The following UNC79 variants were observed in gnomAD, a reference collection of about 807,000 sequenced individuals.
UNC79 encodes unc-79 subunit of NALCN channel complex, also known as protein unc-79 homolog.
In UNC79, 37 loss-of-function variants were observed where a neutral mutation model predicts 283.1. That is an observed-to-expected ratio of 0.13 (90% CI 0.10 to 0.17). The LOEUF is 0.17. Among genes scored for constraint, UNC79 ranks in the 10% least tolerant of loss-of-function variants. The probability of loss-of-function intolerance (pLI) is 1.00; values close to 1 mark genes in which losing one functional copy is unlikely to be tolerated. For missense variants in UNC79, 2,272 were observed against 3,211.1 expected (o/e 0.71, Z 7.07); for synonymous variants, 1,107 against 1,200.2 (o/e 0.92, Z 1.61).
At chr14:93,545,463 C>T (rs2061551734) in intron 14 of UNC79, among the ~76,000 whole-genome samples, 2 of 152,212 alleles carry the variant, frequency 1.3e-5, no homozygotes, top group African/African-American at 4.8e-5. Context: ...CAGATTTCAT[C>T]TGTAATACTT....
Position 93,540,941 on chromosome 14 carries a change from C to A in UNC79, c.1524+110C>A, listed in dbSNP as rs78068033. On this transcript the variant is annotated intron_variant, in intron 13 of 48. Transcript: ENST00000555664. ...AAAGGAGTAAATAGTGAAAAATTAA[C>A]CTTAGCAATGGGGCTGAAGCTATGG... 6.3e-4 allele frequency: 877 copies of A among 1,395,424 alleles called. 17 individuals are homozygous for A. In the East Asian group the frequency reaches 0.018, roughly 29 times the overall value. The allele number at this position is 1,395,424 out of a possible 1,614,324, so 86.4% of individuals were successfully genotyped here.
chr14:93,637,444 G>C lies in UNC79; in HGVS notation c.5800+145G>C. 3.2e-5 allele frequency: 44 copies of C among 1,389,156 alleles called. 1 individual carries two copies. The South Asian group carries it at 6.3e-4, about 20-fold the overall frequency. 86.1% of individuals were successfully genotyped at this position (1,389,156 alleles called of 1,614,324 possible). The stretch of plus-strand genomic sequence containing the variant: ...TTGCCCAAACACCCCCAGTGGCTGA[G>C]AGTGCGTGACATCTCATCTTTGAAC... On this transcript the variant is annotated intron_variant, in intron 32 of 48. Transcript: ENST00000555664.
chr14:93,603,451 C>A, intron 26 of UNC79, 33 bp downstream of exon 26: 1 of 1,605,742 alleles, frequency 6.2e-7, no homozygotes, highest in Non-Finnish European at 8.5e-7. Flanking sequence ...TCCGTTAAAT[C>A]TGTTTAATGT....
rs542465541 is a variant in UNC79, at chr14:93,339,906, G to A, written c.-351+6383G>A. 4.6e-5 allele frequency among the ~76,000 whole-genome samples: 7 copies of A among 152,342 alleles called. No homozygotes were observed. In the South Asian group the frequency reaches 1.4e-3, roughly 32 times the overall value. ...TTGACTGACTTGTGGATTGGCTTGA[G>A]TCTGTGCCCCCATGGCTCTGACTAG... is the stretch of plus-strand genomic sequence containing the variant. On this transcript the variant is annotated intron_variant, in intron 1 of 49. Transcript: ENST00000256339.
chr14:93,358,485 A>G (rs890630520), intron 1 of UNC79, among the ~76,000 whole-genome samples: 11 of 152,162 alleles, frequency 7.2e-5, no homozygotes, highest in Admixed American at 7.2e-4. Flanking sequence ...AAACAGACAC[A>G]AGCTCTTATC....
chr14:93,404,493 A>AAAAAAAAAAAAAATATATATATATAT, intron 1 of UNC79, among the ~76,000 whole-genome samples: 48 of 61,468 alleles, frequency 7.8e-4, no homozygotes, highest in African/African-American at 1.6e-3. Context: ...TTCTAAAAAA[A>AAAAAAAAAAAAAATATATATATATAT]ATATATATAT....
intron 1 of UNC79, chr14:93,347,932 G>C (rs2053898354): frequency 2.7e-6 from 2 of 744,906 alleles, no homozygotes; most frequent in South Asian, 3.1e-5. Context: ...CAACGGTCTA[G>C]GTGCTCAAAA....
intron 21 of UNC79, 23 bp downstream of exon 21, chr14:93,586,698 A>G: frequency 2.5e-6 from 4 of 1,613,342 alleles, no homozygotes; most frequent in Non-Finnish European, 3.4e-6. Context: ...ATGTCTTTGA[A>G]TACTTGGCTT....
At chr14:93,615,326 A>G (rs554967403) in intron 27 of UNC79, among the ~76,000 whole-genome samples, 1 of 152,166 alleles carries the variant, frequency 6.6e-6, no homozygotes, top group East Asian at 1.9e-4. Context: ...AACTGGATGG[A>G]TCACCGCTTT....
At chr14:93,702,470 T>C (rs115156208) in intron 47 of UNC79, among the ~76,000 whole-genome samples, 2,040 of 152,350 alleles carry the variant, frequency 0.013, 42 homozygotes, top group African/African-American at 0.046. Context: ...TAGCGAATTA[T>C]ATACATCAAC....
chr14:93,577,621 G>A (rs1221426512), intron 17 of UNC79, among the ~76,000 whole-genome samples: 1 of 152,192 alleles, frequency 6.6e-6, no homozygotes, highest in Non-Finnish European at 1.5e-5. Context: ...ATTCTTCAGG[G>A]TGTTGATGTC....
At chr14:93,385,578 A>G (rs1246598076) in intron 1 of UNC79, among the ~76,000 whole-genome samples, 1 of 152,144 alleles carries the variant, frequency 6.6e-6, no homozygotes, top group Non-Finnish European at 1.5e-5. Flanking sequence ...CAGGCATTCG[A>G]GACCAGCCTG....
intron 26 of UNC79, 38 bp downstream of exon 27, chr14:93,604,999 T>C: frequency 1.3e-6 from 2 of 1,548,060 alleles, no homozygotes; most frequent in Non-Finnish European, 1.7e-6. Context: ...TGTACAAGTG[T>C]CTATCACAGG....
chr14:93,610,899 C>T (rs1033991122), intron 26 of UNC79, among the ~76,000 whole-genome samples: 8 of 152,194 alleles, frequency 5.3e-5, no homozygotes, highest in African/African-American at 1.4e-4. Flanking sequence ...ATGTGAGCCA[C>T]TTTGCCCAGC....
intron 20 of UNC79, 47 bp downstream of exon 20, chr14:93,582,391 T>C: frequency 6.3e-7 from 1 of 1,597,818 alleles, no homozygotes; most frequent in Non-Finnish European, 8.5e-7. Context: ...GCACATGGCC[T>C]GATGCTCAAA....
intron 44 of UNC79, 175 bp downstream of exon 47, chr14:93,689,015 C>A: frequency 1.6e-6 from 1 of 636,656 alleles, no homozygotes; most frequent in Non-Finnish European, 2.4e-6. Flanking sequence ...ACCCAGAATG[C>A]TCTTTGACAT....
chr14:93,351,909 T>C (rs2053986349), intron 1 of UNC79, among the ~76,000 whole-genome samples: 1 of 152,214 alleles, frequency 6.6e-6, no homozygotes, highest in African/African-American at 2.4e-5. Context: ...TTTGAAGGAC[T>C]ATCTTCTTTA....
intron 46 of UNC79, among the ~76,000 whole-genome samples, chr14:93,692,272 T>C (rs2074754053): frequency 6.6e-6 from 1 of 152,228 alleles, no homozygotes; most frequent in East Asian, 1.9e-4. Context: ...TAAGGCAATG[T>C]ACATGTTAAA....
intron 1 of UNC79, among the ~76,000 whole-genome samples, chr14:93,367,271 CA>C (rs2054355355): frequency 6.6e-6 from 1 of 152,126 alleles, no homozygotes; most frequent in Non-Finnish European, 1.5e-5. Context: ...GCCAGTCAAA[CA>C]AAATAGTTAA....
Sources: allele counts gnomAD v4.1 joint callset (sites outside exome capture counted in the v4.1 genomes callset), GRCh38; gene constraint gnomAD v4.1.1; transcripts MANE v1.5; gene names NCBI Gene and HGNC (gene_info 2026-07-23, HGNC 2026-07-21).